Variants in STIM1 observed in about 807,000 individuals in gnomAD.
The protein encoded by STIM1 is stromal interaction molecule 1.
STIM1 carries 25 observed loss-of-function variants against 74.7 expected under a neutral mutation model. The observed-to-expected ratio is 0.33, with a 90% CI of 0.24 to 0.47. STIM1 has a LOEUF of 0.47. STIM1 is among the 20% of genes least tolerant of loss of function. The pLI is 1.00. For synonymous variants in STIM1, 328 were observed against 348.8 expected (o/e 0.94, Z 0.66); for missense variants, 728 against 920.8 (o/e 0.79, Z 2.71).
intron 1 of STIM1, among the ~76,000 whole-genome samples, chr11:3,907,172 C>T (rs2092479127): frequency 6.6e-6 from 1 of 152,108 alleles, no homozygotes. Context: ...GGTTTATAAG[C>T]TTGGGAAGCT....
At chr11:3,956,361 G>A (rs2860454) in intron 1 of STIM1, among the ~76,000 whole-genome samples, 115,531 of 151,958 alleles carry the variant, frequency 0.76, 45,242 homozygotes, top group South Asian at 0.9. Flanking sequence ...GGAGAGTGAG[G>A]TGTCAAGGCT....
chr11:3,915,556 C>A (rs2092631282), intron 1 of STIM1, among the ~76,000 whole-genome samples: 1 of 151,980 alleles, frequency 6.6e-6, no homozygotes, highest in Non-Finnish European at 1.5e-5. Context: ...CACCAACACG[C>A]CTGGCTAATT....
chr11:3,917,095 G>A lies in STIM1; in HGVS notation c.140-50457G>A, dbSNP rs562744395. 4.6e-5 allele frequency among the ~76,000 whole-genome samples: 7 copies of A among 152,290 alleles called. No individual in the cohort carries two copies. The South Asian group carries it at 1.4e-3, about 32-fold the overall frequency. On this transcript the variant is annotated intron_variant, in intron 1 of 12. Coordinates refer to ENST00000526596, the MANE Select transcript of STIM1 (RefSeq NM_001382567.1). ...TGACTTTCAGGGATGCCAGTCAGTTGAGTGACACACCCTTATGTACGCGTA... is the reference window on the plus strand; with the variant it reads ...TGACTTTCAGGGATGCCAGTCAGTTAAGTGACACACCCTTATGTACGCGTA...
intron 1 of STIM1, among the ~76,000 whole-genome samples, chr11:3,920,792 TA>T (rs1171833614): frequency 6.6e-5 from 10 of 151,700 alleles, no homozygotes; most frequent in African/African-American, 2.2e-4. Flanking sequence ...TTTTTTTTTT[TA>T]TTTTTTTTAA....
chr11:3,902,628 CG>C (rs1305414068), intron 1 of STIM1, among the ~76,000 whole-genome samples: 1 of 152,202 alleles, frequency 6.6e-6, no homozygotes, highest in East Asian at 1.9e-4. Flanking sequence ...GCTTGCCTGC[CG>C]CTCACCTCCT....
At chr11:4,022,148 G>A (rs919187490) in intron 2 of STIM1, among the ~76,000 whole-genome samples, 13 of 151,606 alleles carry the variant, frequency 8.6e-5, no homozygotes, top group African/African-American at 2.9e-4. Flanking sequence ...CCTGGGTAAC[G>A]TGGTAAAATC....
intron 3 of STIM1, among the ~76,000 whole-genome samples, chr11:4,028,654 C>T (rs535245781): frequency 1.4e-4 from 21 of 151,964 alleles, no homozygotes; most frequent in Non-Finnish European, 1.9e-4. Flanking sequence ...AGGTGATCCG[C>T]CTGCCTCGGC....
chr11:3,958,907 T>C (rs1370529780), intron 1 of STIM1, among the ~76,000 whole-genome samples: 1 of 150,860 alleles, frequency 6.6e-6, no homozygotes, highest in Non-Finnish European at 1.5e-5. Context: ...ATCAAGCTAT[T>C]GCACTCCAGC....
intron 3 of STIM1, among the ~76,000 whole-genome samples, chr11:4,028,360 G>T (rs1344607621): frequency 6.6e-6 from 1 of 151,888 alleles, no homozygotes; most frequent in East Asian, 1.9e-4. Context: ...GGGATTACAG[G>T]CGTGAGCCAC....
chr11:4,031,889 A>G (rs1396292445), intron 3 of STIM1, among the ~76,000 whole-genome samples: 3 of 152,218 alleles, frequency 2.0e-5, no homozygotes, highest in Non-Finnish European at 4.4e-5. Context: ...AGTCCAGTTT[A>G]TCAATTTGTT....
At chr11:4,036,352 A>G (rs1179017033) in intron 3 of STIM1, among the ~76,000 whole-genome samples, 5 of 152,192 alleles carry the variant, frequency 3.3e-5, no homozygotes, top group African/African-American at 4.8e-5. Context: ...AATGGTTTAT[A>G]TTCCTTTGGG....
chr11:4,085,378 C>T (rs61897255), intron 11 of STIM1, among the ~76,000 whole-genome samples: 3 of 152,182 alleles, frequency 2.0e-5, no homozygotes, highest in Admixed American at 2.0e-4. Flanking sequence ...TCTGCACTCT[C>T]TTTTAGCTGG....
Position 4,091,756 on chromosome 11 carries a change from G to A in STIM1, c.2109G>A (p.Lys703=). 6.2e-7 allele frequency: 1 copy of A among 1,611,332 alleles called. No individual in the cohort carries two copies. Among genetic ancestry groups the A allele is most frequent in the Non-Finnish European group, 8.5e-7 (1 of 1,180,032 alleles). Residue 703 remains lysine, a synonymous_variant, in exon 13 of 13, where the codon AAG becomes AAA. Transcript: ENST00000526596. ...AAACAGACTCCAGCCCAGGCCGGAAGAAGTTTCCCCTCAAAATCTTTAAGA... is the reference window on the plus strand; with the variant it reads ...AAACAGACTCCAGCCCAGGCCGGAAAAAGTTTCCCCTCAAAATCTTTAAGA... ...GEETDSSPGR[K]KFPLKIFKKP...
chr11:3,872,523 C>CTTTTTTTTT (rs574634847), intron 1 of STIM1, among the ~76,000 whole-genome samples: 3 of 129,366 alleles, frequency 2.3e-5, no homozygotes, highest in African/African-American at 2.8e-5. Flanking sequence ...TTCTTTTTTT[C>CTTTTTTTTT]TTTTTTTTTT....
chr11:3,922,106 A>G (rs902600358), intron 1 of STIM1, among the ~76,000 whole-genome samples: 3 of 152,122 alleles, frequency 2.0e-5, no homozygotes, highest in African/African-American at 7.2e-5. Flanking sequence ...TTTGTTATGC[A>G]ATTATAGATA....
At chr11:3,871,121 C>G (rs188059133) in intron 1 of STIM1, among the ~76,000 whole-genome samples, 23 of 152,166 alleles carry the variant, frequency 1.5e-4, no homozygotes, top group Admixed American at 1.0e-3. Context: ...CTTGCTTCGG[C>G]CTCCCAAAGT....
At chr11:3,915,459 G>A (rs1464865536) in intron 1 of STIM1, among the ~76,000 whole-genome samples, 6 of 150,388 alleles carry the variant, frequency 4.0e-5, no homozygotes. Flanking sequence ...GTGCAGTGGT[G>A]CCATCTCGGC....
At chr11:3,897,499 T>A (rs1382524069) in intron 1 of STIM1, among the ~76,000 whole-genome samples, 1 of 152,174 alleles carries the variant, frequency 6.6e-6, no homozygotes, top group East Asian at 1.9e-4. Context: ...TTTGTTTGTT[T>A]GTTTTTATTT....
intron 2 of STIM1, among the ~76,000 whole-genome samples, chr11:4,012,233 TA>T (rs1221877921): frequency 2.6e-5 from 4 of 152,228 alleles, no homozygotes; most frequent in Admixed American, 6.5e-5. Flanking sequence ...ATATGAACTT[TA>T]AAGTAGTTTT....
Sources: allele counts gnomAD v4.1 joint callset (sites outside exome capture counted in the v4.1 genomes callset), GRCh38; gene constraint gnomAD v4.1.1; transcripts MANE v1.5; gene names NCBI Gene and HGNC (gene_info 2026-07-23, HGNC 2026-07-21).